INSYN2B: variants seen among roughly 807,000 people sequenced by gnomAD.
The protein encoded by INSYN2B is inhibitory synaptic factor family member 2B.
In INSYN2B, 16 loss-of-function variants were observed where a neutral mutation model predicts 41.2. That is an observed-to-expected ratio of 0.39 (90% CI 0.26 to 0.59). The LOEUF is 0.59. Ranked by LOEUF, INSYN2B falls within the 20% of genes least tolerant of loss-of-function variation. The probability of loss-of-function intolerance (pLI) is 0.57; values close to 1 mark genes in which losing one functional copy is unlikely to be tolerated. For missense variants in INSYN2B, 608 were observed against 646.4 expected, an observed-to-expected ratio of 0.94 and a Z score of 0.64; for synonymous variants, 245 against 244.4, an observed-to-expected ratio of 1.00 and a Z score of -0.02.
chr5:169,971,446 TCATGA>T (rs1777506658), intron 1 of INSYN2B, among the ~76,000 whole-genome samples: 1 of 125,772 alleles, frequency 8.0e-6, no homozygotes, highest in African/African-American at 3.4e-5. Context: ...TTTTTTTTTT[TCATGA>T]AAGACATCAG....
At chr5:169,913,201 A>G (rs1774703423) in intron 1 of INSYN2B, among the ~76,000 whole-genome samples, 1 of 152,232 alleles carries the variant, frequency 6.6e-6, no homozygotes, top group Non-Finnish European at 1.5e-5. Context: ...GGAATGTGCT[A>G]TTGAAGTTTA....
chr5:169,963,201 C>T (rs1777160536), intron 1 of INSYN2B, among the ~76,000 whole-genome samples: 1 of 152,160 alleles, frequency 6.6e-6, no homozygotes, highest in Non-Finnish European at 1.5e-5. Context: ...ATAATGTTGC[C>T]TCTTTAAAGT....
rs573201066 is a variant in INSYN2B, at chr5:169,968,020, C to T, written c.-919+12257G>A. Among the ~76,000 whole-genome samples, 53 of 152,162 alleles carry T rather than the reference C, an allele frequency of 3.5e-4. 1 individual carries two copies. The South Asian group carries it at 0.011, about 30-fold the overall frequency. ...CATGTTGACATGTTAATATGAGCTG[C>T]CCATGAGGTGGAAATGTCCAGGAGG... On this transcript the variant is annotated intron_variant, in intron 1 of 3. Transcript: ENST00000377365.
chr5:169,941,136 G>A (rs765305844), intron 1 of INSYN2B, among the ~76,000 whole-genome samples: 50 of 152,202 alleles, frequency 3.3e-4, no homozygotes, highest in Non-Finnish European at 6.2e-4. Context: ...AGCACAGGGT[G>A]TCGGGAGAGC....
At position 169,862,654 on chromosome 5, in the gene INSYN2B, A is replaced by C. The variant is rs554501869; in HGVS notation, c.*1619T>G. ...TGGGCTTAAACATTACACTAGAAAC[A>C]GAACAAGAACATCTTGAATGACATT... On this transcript the variant is annotated 3_prime_UTR_variant, in exon 4 of 4. Coordinates refer to ENST00000377365, the MANE Select transcript of INSYN2B (RefSeq NM_001129891.3). Among the ~76,000 whole-genome samples the C allele has an allele frequency of 1.3e-5, 2 of 152,378 alleles. No homozygotes were observed. The highest frequency in any genetic ancestry group is 4.1e-4 in the South Asian group (2 of 4,834).
At chr5:169,944,809 C>T (rs1197670498) in intron 1 of INSYN2B, among the ~76,000 whole-genome samples, 1 of 152,172 alleles carries the variant, frequency 6.6e-6, no homozygotes, top group African/African-American at 2.4e-5. Context: ...GAAAGCTGAA[C>T]GGTTTCTGAC....
chr5:169,890,777 A>G (rs567552151), intron 1 of INSYN2B, among the ~76,000 whole-genome samples: 77 of 152,278 alleles, frequency 5.1e-4, no homozygotes, highest in African/African-American at 1.8e-3. Context: ...TCATCTTTCT[A>G]TATACCATGT....
intron 1 of INSYN2B, among the ~76,000 whole-genome samples, chr5:169,898,500 G>C (rs1349715789): frequency 6.6e-6 from 1 of 151,940 alleles, no homozygotes; most frequent in Non-Finnish European, 1.5e-5. Context: ...ATTGATAGGA[G>C]TATCCTCTAC....
At chr5:169,954,729 C>T (rs1191174133) in intron 1 of INSYN2B, among the ~76,000 whole-genome samples, 2 of 152,182 alleles carry the variant, frequency 1.3e-5, no homozygotes, top group Non-Finnish European at 2.9e-5. Context: ...TTTGTTTTTA[C>T]ATGTTCCAAG....
intron 1 of INSYN2B, among the ~76,000 whole-genome samples, chr5:169,925,578 TTAAAAAAAAAAAAA>T (rs1775401628): frequency 3.1e-5 from 1 of 32,324 alleles, no homozygotes; most frequent in Admixed American, 3.5e-4. Context: ...AGACTCTGTC[TTAAAAAAAAAAAAA>T]AAAAAAAAAA....
chr5:169,966,358 G>A (rs1423854735), intron 1 of INSYN2B, among the ~76,000 whole-genome samples: 1 of 152,206 alleles, frequency 6.6e-6, no homozygotes, highest in African/African-American at 2.4e-5. Context: ...CTGTGCCTGT[G>A]TAGCTTTACC....
chr5:169,948,296 T>TA (rs11409572), intron 1 of INSYN2B, among the ~76,000 whole-genome samples: 46,860 of 151,936 alleles, frequency 0.31, 7,812 homozygotes, highest in African/African-American at 0.44. Flanking sequence ...GAACGTTTTT[T>TA]AAAAAAAGGT....
Position 169,883,587 on chromosome 5 carries a change from C to A in INSYN2B, c.312G>T (p.Arg104Ser). 1 of 1,551,648 alleles carries A rather than the reference C, an allele frequency of 6.4e-7. No individual in the cohort carries two copies. The highest frequency in any genetic ancestry group is 1.4e-5 in the African/African-American group (1 of 73,160). The stretch of plus-strand genomic sequence containing the variant: ...TCCTTTTGAAAACTGGGAAATGCTT[C>A]CTGAGACTGGGGGAAGTTTGGATTG... ...NIAIQTSPSLRKHFPVFKRKR... is the reference protein window; with the variant it reads ...NIAIQTSPSLSKHFPVFKRKR... The change falls in exon 2 of 4, where the codon AGG becomes AGT. Residue 104 changes from arginine (R) to serine (S), a missense_variant. By Grantham distance (110) the Arg-to-Ser change is moderately radical (BLOSUM62 -1). Coordinates refer to ENST00000377365, the MANE Select transcript of INSYN2B (RefSeq NM_001129891.3).
intron 1 of INSYN2B, among the ~76,000 whole-genome samples, chr5:169,927,604 G>T (rs1016099930): frequency 1.3e-5 from 2 of 152,214 alleles, no homozygotes; most frequent in Non-Finnish European, 2.9e-5. Flanking sequence ...TGATCAGGAG[G>T]TAAAACATAT....
intron 1 of INSYN2B, among the ~76,000 whole-genome samples, chr5:169,920,145 G>T (rs1372143840): frequency 1.3e-5 from 2 of 152,126 alleles, no homozygotes; most frequent in East Asian, 1.9e-4. Context: ...CTCAGGGAGG[G>T]TAACACCGTA....
Position 169,910,681 on chromosome 5 carries a change from C to T in INSYN2B, c.-918-25865G>A, listed in dbSNP as rs183584758. 3.1e-3 allele frequency among the ~76,000 whole-genome samples: 466 copies of T among 152,344 alleles called. 4 individuals are homozygous for T. The highest frequency in any genetic ancestry group is 0.01 in the African/African-American group (433 of 41,578). On this transcript the variant is annotated intron_variant, in intron 1 of 3. Coordinates refer to ENST00000377365, the MANE Select transcript of INSYN2B (RefSeq NM_001129891.3). ...ATGAAGTCCCCAAAATGACCTGTTACATCTCTAGCTACAAGACTCAGGGAA... is the reference window on the plus strand; with the variant it reads ...ATGAAGTCCCCAAAATGACCTGTTATATCTCTAGCTACAAGACTCAGGGAA...
chr5:169,891,177 A>G lies in INSYN2B; in HGVS notation c.-918-6361T>C, dbSNP rs183622222. Among the ~76,000 whole-genome samples the G allele has an allele frequency of 5.3e-5, 8 of 152,068 alleles. No homozygotes were observed. The East Asian group carries it at 1.4e-3, about 26-fold the overall frequency. On this transcript the variant is annotated intron_variant, in intron 1 of 3. Transcript: ENST00000377365. ...TCATCATCTGGCTTTCAAATCTGCT[A>G]TTCCTTTTGTTAGGACTCCTCTTTC... is the stretch of plus-strand genomic sequence containing the variant.
intron 1 of INSYN2B, among the ~76,000 whole-genome samples, chr5:169,978,137 G>A (rs1316873499): frequency 2.0e-5 from 3 of 151,966 alleles, no homozygotes; most frequent in African/African-American, 4.8e-5. Context: ...CTATAGCAAC[G>A]TGTCACCAGC....
intron 1 of INSYN2B, among the ~76,000 whole-genome samples, chr5:169,952,479 G>T (rs1776701905): frequency 1.3e-5 from 2 of 152,020 alleles, no homozygotes; most frequent in Non-Finnish European, 2.9e-5. Flanking sequence ...TCTTATGCAG[G>T]TGACCTGTTT....
Sources: allele counts gnomAD v4.1 joint callset (sites outside exome capture counted in the v4.1 genomes callset), GRCh38; gene constraint gnomAD v4.1.1; transcripts MANE v1.5; gene names NCBI Gene and HGNC (gene_info 2026-07-23, HGNC 2026-07-21).